Variants in PKNOX1 observed in about 807,000 individuals in gnomAD.
PKNOX1 encodes the protein PBX/knotted 1 homeobox 1, also known as homeobox protein PKNOX1.
In PKNOX1, 15 loss-of-function variants were observed where a neutral mutation model predicts 51.9. That is an observed-to-expected ratio of 0.29 (90% confidence interval 0.19 to 0.45). The LOEUF is 0.45. PKNOX1 is among the 20% of genes least tolerant of loss of function. The pLI is 1.00. For missense variants in PKNOX1, 462 were observed against 547.5 expected (o/e 0.84, Z 1.56); for synonymous variants, 219 against 211.1 (o/e 1.04, Z -0.32).
chr21:43,023,838 T>A (rs1979872042), intron 8 of PKNOX1, among the ~76,000 whole-genome samples: 1 of 151,976 alleles, frequency 6.6e-6, no homozygotes, highest in Admixed American at 6.6e-5. Flanking sequence ...ATGGTCTTGA[T>A]CTCCTGACCT....
intron 1 of PKNOX1, among the ~76,000 whole-genome samples, chr21:43,000,497 A>T (rs1978702853): frequency 6.6e-6 from 1 of 152,196 alleles, no homozygotes; most frequent in Non-Finnish European, 1.5e-5. Flanking sequence ...TGTGAGACTT[A>T]TTCACTATCA....
intron 7 of PKNOX1, among the ~76,000 whole-genome samples, chr21:43,018,578 C>G (rs948815482): frequency 1.3e-5 from 2 of 148,968 alleles, no homozygotes; most frequent in Admixed American, 6.8e-5. Context: ...GGGCAGAGGT[C>G]TTGTAGGCAC....
intron 1 of PKNOX1, among the ~76,000 whole-genome samples, chr21:42,976,156 G>A (rs2058996419): frequency 1.3e-5 from 2 of 152,204 alleles, no homozygotes; most frequent in South Asian, 4.1e-4. Flanking sequence ...TTGCAGTAAA[G>A]CAAGTGACGC....
chr21:43,000,607 C>T (rs936952441), intron 1 of PKNOX1, among the ~76,000 whole-genome samples: 2 of 152,134 alleles, frequency 1.3e-5, no homozygotes, highest in Non-Finnish European at 2.9e-5. Flanking sequence ...TGGGTGGGGA[C>T]ACAGCTAAAC....
intron 1 of PKNOX1, among the ~76,000 whole-genome samples, chr21:42,980,030 C>T (rs1194979431): frequency 6.6e-6 from 1 of 152,130 alleles, no homozygotes; most frequent in Admixed American, 6.6e-5. Context: ...GTTGGGATTC[C>T]TGTACTCTAT....
chr21:42,987,398 A>ATACATATATATATATATAT (rs1555858083), intron 1 of PKNOX1, among the ~76,000 whole-genome samples: 1 of 91,838 alleles, frequency 1.1e-5, no homozygotes, highest in African/African-American at 4.9e-5. Context: ...AAAAAAAAAA[A>ATACATATATATATATATAT]AAAAAAATAT....
At chr21:43,002,678 G>A (rs999412639) in intron 1 of PKNOX1, among the ~76,000 whole-genome samples, 1 of 152,164 alleles carries the variant, frequency 6.6e-6, no homozygotes, top group Admixed American at 6.6e-5. Context: ...TGCTGCCACG[G>A]CTGCTGCTGT....
chr21:43,002,039 G>T (rs1978783261), intron 1 of PKNOX1, among the ~76,000 whole-genome samples: 1 of 152,104 alleles, frequency 6.6e-6, no homozygotes, highest in Admixed American at 6.6e-5. Flanking sequence ...TTTTAGTATT[G>T]TAGGCACAGG....
At chr21:43,007,042 G>A (rs189225622) in intron 2 of PKNOX1, among the ~76,000 whole-genome samples, 40 of 152,314 alleles carry the variant, frequency 2.6e-4, no homozygotes, top group Admixed American at 1.0e-3. Flanking sequence ...TATTGCTGAG[G>A]TTTGAGGGTA....
chr21:43,021,174 C>A lies in PKNOX1; in HGVS notation c.721-129C>A. On this transcript the variant is annotated intron_variant, in intron 7 of 10. Transcript: ENST00000291547. The surrounding 1 kb of genome is among the most constrained non-coding windows in gnomAD (Gnocchi z 4.6). ...TGAAACATCAGTCCACACAGGGTTC[C>A]CGTGCATGGGCCTCGACTACAATCA... is the stretch of plus-strand genomic sequence containing the variant. The A allele has an allele frequency of 1.5e-6, 1 of 674,356 alleles. No homozygotes were observed. The highest frequency in any genetic ancestry group is 2.5e-6 in the Non-Finnish European group (1 of 406,878). The allele number at this position is 674,356 out of a possible 1,614,324, so 41.8% of individuals were successfully genotyped here.
intron 8 of PKNOX1, among the ~76,000 whole-genome samples, chr21:43,022,890 A>C (rs1340259142): frequency 6.6e-6 from 1 of 152,172 alleles, no homozygotes; most frequent in Non-Finnish European, 1.5e-5. Flanking sequence ...ATTTACACAC[A>C]TTGCGATTAT....
rs1369007977 is a variant in PKNOX1, at chr21:43,033,336, T to C, written c.*3235T>C. On this transcript the variant is annotated 3_prime_UTR_variant, in exon 11 of 11. Transcript: ENST00000291547. ...CTGTGTGAGGTAGCAGTGGGCACTT[T>C]TCATTGAGACAAACTCCAGGGTGTC... 1 of 152,586 alleles carries C rather than the reference T, an allele frequency of 6.6e-6. No homozygotes were observed. 9.5% of individuals were successfully genotyped at this position (152,586 alleles called of 1,614,324 possible). A position where few individuals can be genotyped will look rare whatever the true frequency, so the allele number is the denominator to read the frequency against.
Position 43,032,328 on chromosome 21 carries a change from T to TCCGTCTCTTCGTCCCTCACCACCCC in PKNOX1, c.*2238_*2239insTCCCTCACCACCCCCCGTCTCTTCG. 1 of 408,250 alleles carries TCCGTCTCTTCGTCCCTCACCACCCC rather than the reference T, an allele frequency of 2.4e-6. No individual in the cohort carries two copies. The highest frequency in any genetic ancestry group is 2.7e-5 in the Admixed American group (1 of 37,674). 25.3% of individuals were successfully genotyped at this position (408,250 alleles called of 1,614,324 possible). ...GCCCTTCCTCCTTCCCTCACCACCC[T>TCCGTCTCTTCGTCCCTCACCACCCC]CCGTCTCTTCGGCTGCTTGCTCTTT... On this transcript the variant is annotated 3_prime_UTR_variant, in exon 11 of 11. Coordinates refer to ENST00000291547, the MANE Select transcript of PKNOX1 (RefSeq NM_004571.5).
In PKNOX1 at chr21:43,016,972, T is replaced by C; in HGVS notation, c.587T>C (p.Leu196Pro). Reference protein sequence around the residue: ...PQGIVVPASALQQGNVAMATV... With the variant: ...PQGIVVPASAPQQGNVAMATV... The stretch of plus-strand genomic sequence containing the variant: ...GGAATTGTGGTGCCGGCGTCCGCGC[T>C]GCAGCAGGGAAACGTAGCCATGGCG... Residue 196 changes from leucine (L) to proline (P), a missense_variant, in exon 6 of 11, where the codon CTG becomes CCG. Around this residue, in one of 5 missense-constraint regions of PKNOX1, gnomAD observed 126 missense variants for 128.1 expected, o/e 0.98. Coordinates refer to ENST00000291547, the MANE Select transcript of PKNOX1 (RefSeq NM_004571.5). 1 of 1,613,062 alleles carries C rather than the reference T, an allele frequency of 6.2e-7. No homozygotes were observed. Among genetic ancestry groups the C allele is most frequent in the Non-Finnish European group, 8.5e-7 (1 of 1,179,804 alleles).
chr21:42,985,280 C>T (rs1440677752), intron 1 of PKNOX1, among the ~76,000 whole-genome samples: 1 of 151,948 alleles, frequency 6.6e-6, no homozygotes, highest in Admixed American at 6.6e-5. Flanking sequence ...AGCCACTGTG[C>T]CTGGCCCCTT....
At chr21:43,028,567 T>TA (rs1980082361) in intron 9 of PKNOX1, 135 bp from the exon 10 acceptor site, 2 of 756,798 alleles carry the variant, frequency 2.6e-6, no homozygotes, top group Admixed American at 4.5e-5. Flanking sequence ...CTTAAGTAGT[T>TA]ACTATAGTGG....
intron 1 of PKNOX1, among the ~76,000 whole-genome samples, chr21:42,993,381 C>T (rs35020762): frequency 0.038 from 5,797 of 152,268 alleles, 138 homozygotes; most frequent in Middle Eastern, 0.061. Context: ...GTGGCTGGGC[C>T]GGGCCTCCAC....
intron 3 of PKNOX1, among the ~76,000 whole-genome samples, chr21:43,008,794 T>A (rs2146267884): frequency 1.3e-5 from 2 of 152,038 alleles, no homozygotes; most frequent in Non-Finnish European, 2.9e-5. Context: ...AAAAAAAAAT[T>A]TTTTTTTAAG....
chr21:42,978,748 T>C (rs2146216880), intron 1 of PKNOX1, among the ~76,000 whole-genome samples: 1 of 152,084 alleles, frequency 6.6e-6, no homozygotes, highest in Non-Finnish European at 1.5e-5. Context: ...CCTCCCAGAG[T>C]ACTGGGATTA....
Sources: allele counts gnomAD v4.1 joint callset (sites outside exome capture counted in the v4.1 genomes callset), GRCh38; gene constraint gnomAD v4.1.1; regional missense constraint gnomAD v4.1.1; non-coding constraint Gnocchi (gnomAD v3.1); transcripts MANE v1.5; gene names NCBI Gene and HGNC (gene_info 2026-07-23, HGNC 2026-07-21).